The following NRXN3 variants were observed in gnomAD, a reference collection of about 807,000 sequenced individuals.
NRXN3 encodes neurexin III.
Under a neutral mutation model 137.6 loss-of-function variants are expected in NRXN3, and 32 were observed. The ratio of observed to expected loss-of-function variants is 0.23; its 90% CI spans 0.18 to 0.31. The LOEUF is 0.31. Among genes scored for constraint, NRXN3 ranks in the 10% least tolerant of loss-of-function variants. NRXN3 has a pLI of 1.00. For synonymous variants in NRXN3, 798 were observed against 784.5 expected (o/e 1.02, Z -0.29); for missense variants, 1,574 against 2,062.5 (o/e 0.76, Z 4.59).
chr14:78,171,794 A>T (rs912891890), intron 1 of NRXN3, among the ~76,000 whole-genome samples: 10 of 152,056 alleles, frequency 6.6e-5, no homozygotes, highest in Non-Finnish European at 4.4e-5. Context: ...TTTAATTTGG[A>T]TGTAGAAATA....
At chr14:78,767,662 T>C (rs1477554523) in intron 8 of NRXN3, among the ~76,000 whole-genome samples, 1 of 152,228 alleles carries the variant, frequency 6.6e-6, no homozygotes, top group African/African-American at 2.4e-5. Context: ...CATCCCTTAC[T>C]GGTGTAGACA....
intron 19 of NRXN3, among the ~76,000 whole-genome samples, chr14:79,786,046 C>T (rs1319346793): frequency 1.3e-5 from 2 of 152,104 alleles, no homozygotes; most frequent in Non-Finnish European, 2.9e-5. Flanking sequence ...ACTTCCAGAA[C>T]CCAGCTCCAG....
chr14:79,769,614 C>T lies in NRXN3; in HGVS notation c.4015-35498C>T, dbSNP rs141342014. Among the ~76,000 whole-genome samples the T allele has an allele frequency of 7.0e-4, 106 of 152,068 alleles. 4 individuals carry two copies. The East Asian group carries it at 0.016, about 23-fold the overall frequency. On this transcript the variant is annotated intron_variant, in intron 19 of 20. Transcript: ENST00000335750. ...CACCAGGCCTGCCCTATAAGAGCTC[C>T]TGAAGGAAGCGCTTAACATGGAAAG...
At chr14:79,500,236 C>A (rs1366596484) in intron 16 of NRXN3, among the ~76,000 whole-genome samples, 1,315 of 87,928 alleles carry the variant, frequency 0.015, no homozygotes, top group East Asian at 0.023. Flanking sequence ...AAAAAGAAGG[C>A]AAAAAAAAAA....
intron 19 of NRXN3, among the ~76,000 whole-genome samples, chr14:79,747,814 C>T (rs1210716859): frequency 6.6e-6 from 1 of 151,906 alleles, no homozygotes; most frequent in African/African-American, 2.4e-5. Context: ...GAACTTGGGC[C>T]CTGGAGTCAA....
rs565234721 is a variant in NRXN3 at position 78,396,359 on chromosome 14, C to A, written c.757+98499C>A. Among the ~76,000 whole-genome samples, 4 of 152,274 alleles carry A rather than the reference C, an allele frequency of 2.6e-5. No homozygotes were observed. The South Asian group carries it at 8.3e-4, about 32-fold the overall frequency. On this transcript the variant is annotated intron_variant, in intron 4 of 20. Transcript: ENST00000335750. ...ACAGTGTTATAATTTTTATTTCAAT[C>A]ATCAGACAGAATTTAGAAGGCTCAA...
chr14:78,198,723 C>A (rs768466601), intron 1 of NRXN3, among the ~76,000 whole-genome samples: 3 of 152,306 alleles, frequency 2.0e-5, no homozygotes, highest in Non-Finnish European at 4.4e-5. Flanking sequence ...ATTAATAGTT[C>A]AAGTCTTCTT....
At chr14:79,459,912 T>C (rs2096306830) in intron 15 of NRXN3, among the ~76,000 whole-genome samples, 1 of 152,098 alleles carries the variant, frequency 6.6e-6, no homozygotes, top group Non-Finnish European at 1.5e-5. Context: ...AATTTTAGCG[T>C]CTACAGCATT....
intron 16 of NRXN3, among the ~76,000 whole-genome samples, chr14:79,645,789 C>A (rs1272944318): frequency 1.5e-5 from 2 of 135,078 alleles, no homozygotes; most frequent in East Asian, 3.9e-4. Flanking sequence ...ATGTTGGCAC[C>A]TGATAATGGT....
At chr14:78,854,782 G>A (rs924877105) in intron 10 of NRXN3, among the ~76,000 whole-genome samples, 8 of 152,088 alleles carry the variant, frequency 5.3e-5, no homozygotes, top group African/African-American at 1.9e-4. Context: ...TATATATAGA[G>A]ATATATGGGC....
At chr14:79,496,239 A>C (rs10145289) in intron 16 of NRXN3, among the ~76,000 whole-genome samples, 2 of 141,210 alleles carry the variant, frequency 1.4e-5, no homozygotes, top group African/African-American at 5.4e-5. Flanking sequence ...TCTCTCTCTC[A>C]CACACACACA....
At chr14:78,524,914 G>A (rs990583385) in intron 4 of NRXN3, among the ~76,000 whole-genome samples, 21 of 152,272 alleles carry the variant, frequency 1.4e-4, no homozygotes, top group African/African-American at 4.6e-4. Context: ...TGCCTGAAGA[G>A]GAAATGATGA....
intron 15 of NRXN3, among the ~76,000 whole-genome samples, chr14:79,198,240 G>A (rs1312484217): frequency 2.0e-5 from 3 of 152,088 alleles, no homozygotes; most frequent in African/African-American, 7.2e-5. Context: ...ATTCAGTTTT[G>A]CATATATTTA....
chr14:78,578,336 T>G (rs1289530158), intron 4 of NRXN3, among the ~76,000 whole-genome samples: 1 of 152,190 alleles, frequency 6.6e-6, no homozygotes, highest in Non-Finnish European at 1.5e-5. Flanking sequence ...TCAAATTTCT[T>G]GCTATGAGTA....
chr14:78,316,157 C>G (rs781716117), intron 4 of NRXN3, among the ~76,000 whole-genome samples: 1 of 151,516 alleles, frequency 6.6e-6, no homozygotes, highest in African/African-American at 2.4e-5. Context: ...AGTTTTTTTC[C>G]CTAAATGCCA....
At chr14:78,452,313 G>A (rs2094571336) in intron 4 of NRXN3, among the ~76,000 whole-genome samples, 2 of 152,264 alleles carry the variant, frequency 1.3e-5, no homozygotes, top group South Asian at 2.1e-4. Context: ...GAATATAATA[G>A]TACTACTTCA....
At chr14:79,521,823 A>G (rs1246102897) in intron 16 of NRXN3, among the ~76,000 whole-genome samples, 1 of 152,124 alleles carries the variant, frequency 6.6e-6, no homozygotes, top group African/African-American at 2.4e-5. Context: ...TTTCATTGTC[A>G]TAGTTATTCT....
chr14:78,494,198 G>A (rs1211468302), intron 4 of NRXN3, among the ~76,000 whole-genome samples: 1 of 152,120 alleles, frequency 6.6e-6, no homozygotes, highest in Non-Finnish European at 1.5e-5. Flanking sequence ...ACCAACCTTC[G>A]TGGAGCTGTT....
At chr14:79,222,285 G>T (rs756158327) in intron 15 of NRXN3, among the ~76,000 whole-genome samples, 1 of 152,080 alleles carries the variant, frequency 6.6e-6, no homozygotes, top group Non-Finnish European at 1.5e-5. Context: ...TTCTAATTCT[G>T]TGAAGAAATT....
Sources: gnomAD v4.1 joint callset for allele counts (sites outside exome capture counted in the v4.1 genomes callset) on GRCh38, gnomAD v4.1.1 for gene constraint, MANE v1.5 for transcripts, NCBI Gene and HGNC (gene_info 2026-07-23, HGNC 2026-07-21) for gene names.